FTO: variants seen among roughly 807,000 people sequenced by gnomAD.
FTO encodes alpha-ketoglutarate-dependent dioxygenase FTO.
In FTO, 47 loss-of-function variants were observed where a neutral mutation model predicts 63.9. The ratio of observed to expected loss-of-function variants is 0.74; its 90% CI spans 0.58 to 0.94. The LOEUF (loss-of-function observed/expected upper bound fraction) is 0.94, where lower values mean the gene tolerates loss of function less well. Among genes scored for constraint, FTO ranks in the 40% least tolerant of loss-of-function variants. FTO has a pLI of 0.00. For synonymous variants in FTO, 207 were observed against 224.4 expected, an observed-to-expected ratio of 0.92 and a Z score of 0.69; for missense variants, 562 against 618.1, an observed-to-expected ratio of 0.91 and a Z score of 0.96.
At chr16:54,019,498 A>G (rs1212358379) in intron 8 of FTO, among the ~76,000 whole-genome samples, 2 of 152,210 alleles carry the variant, frequency 1.3e-5, no homozygotes, top group East Asian at 1.9e-4. Flanking sequence ...TGGCATATCT[A>G]CCAAGTACTG....
chr16:53,790,361 T>C (rs369437175), intron 1 of FTO, among the ~76,000 whole-genome samples: 4 of 151,972 alleles, frequency 2.6e-5, no homozygotes, highest in African/African-American at 7.2e-5. Flanking sequence ...GTAACACATA[T>C]AAGTAGAATC....
intron 1 of FTO, among the ~76,000 whole-genome samples, chr16:53,729,762 TCTC>T (rs1259897243): frequency 6.6e-6 from 1 of 151,954 alleles, no homozygotes; most frequent in Non-Finnish European, 1.5e-5. Context: ...TCTAGACTCT[TCTC>T]CTCCCTTCTC....
chr16:53,898,546 T>G (rs2081328698), intron 7 of FTO, among the ~76,000 whole-genome samples: 1 of 152,192 alleles, frequency 6.6e-6, no homozygotes, highest in African/African-American at 2.4e-5. Flanking sequence ...TCTGTTTTAG[T>G]CACTCTTATT....
chr16:53,930,221 CTTTTTTTTTT>C lies in FTO; in HGVS notation c.1240-3747_1240-3738del, dbSNP rs1014205147. 1.6e-4 allele frequency among the ~76,000 whole-genome samples: 12 copies of C among 75,704 alleles called. 1 individual carries two copies. Among genetic ancestry groups the C allele is most frequent in the South Asian group, 4.6e-4 (1 of 2,162 alleles). The allele number at this position is 75,704 out of a possible 152,430, so 49.7% of individuals were successfully genotyped here. The stretch of plus-strand genomic sequence containing the variant: ...TTATATTTACTTTTATGATTATCTT[CTTTTTTTTTT>C]TTTTTTTTTTTTTTTTGAGACAGAG... On this transcript the variant is annotated intron_variant, in intron 7 of 8. Coordinates refer to ENST00000471389, the MANE Select transcript of FTO (RefSeq NM_001080432.3).
rs373949786 is a variant in FTO, at chr16:54,076,799, G to A, written c.1365-34963G>A. On this transcript the variant is annotated intron_variant, in intron 8 of 8. Coordinates refer to ENST00000471389, the MANE Select transcript of FTO (RefSeq NM_001080432.3). ...AAGGCATGAAAGGCCAGGGTAATTA[G>A]TCCTTACTGCAGATGAGTAAAGGCA... 2.0e-5 allele frequency among the ~76,000 whole-genome samples: 3 copies of A among 152,268 alleles called. No individual in the cohort carries two copies. In the East Asian group the frequency reaches 5.8e-4, roughly 30 times the overall value.
chr16:54,109,763 G>A (rs373968782), intron 8 of FTO, among the ~76,000 whole-genome samples: 2 of 152,300 alleles, frequency 1.3e-5, no homozygotes, highest in African/African-American at 4.8e-5. Flanking sequence ...GCTTCGATAT[G>A]TTTCATACTT....
At chr16:54,052,961 C>T (rs2085346751) in intron 8 of FTO, among the ~76,000 whole-genome samples, 2 of 152,178 alleles carry the variant, frequency 1.3e-5, no homozygotes, top group African/African-American at 4.8e-5. Flanking sequence ...CTCAGCCTCC[C>T]AAAGTGCTGG....
At chr16:53,854,792 G>A (rs925621434) in intron 4 of FTO, among the ~76,000 whole-genome samples, 2 of 151,864 alleles carry the variant, frequency 1.3e-5, no homozygotes, top group Non-Finnish European at 2.9e-5. Context: ...ATGAATTTTA[G>A]GATTATTTTT....
chr16:53,955,099 T>C (rs559136714), intron 8 of FTO, among the ~76,000 whole-genome samples: 112 of 152,310 alleles, frequency 7.4e-4, no homozygotes, highest in African/African-American at 2.5e-3. Flanking sequence ...AAGCATTCTT[T>C]AAGCATTAGT....
At chr16:53,841,936 C>T (rs1317225914) in intron 3 of FTO, among the ~76,000 whole-genome samples, 1 of 152,198 alleles carries the variant, frequency 6.6e-6, no homozygotes, top group African/African-American at 2.4e-5. Context: ...AACCTCTCTC[C>T]TCTCTAAACT....
intron 7 of FTO, among the ~76,000 whole-genome samples, chr16:53,912,109 T>G: frequency 6.6e-6 from 1 of 152,234 alleles, no homozygotes; most frequent in East Asian, 1.9e-4. Flanking sequence ...CACAAGTGTG[T>G]GTCTGTTGTG....
intron 7 of FTO, among the ~76,000 whole-genome samples, chr16:53,895,588 G>A (rs1177525614): frequency 6.6e-6 from 1 of 152,190 alleles, no homozygotes. Flanking sequence ...CTTAAAGACA[G>A]AGGTGTTGAA....
At chr16:54,106,759 A>G (rs1486233862) in intron 8 of FTO, among the ~76,000 whole-genome samples, 3 of 136,020 alleles carry the variant, frequency 2.2e-5, no homozygotes, top group African/African-American at 8.0e-5. Flanking sequence ...ATAATTGTAT[A>G]ATAATAAATA....
chr16:54,018,069 A>G (rs2084494306), intron 8 of FTO, among the ~76,000 whole-genome samples: 1 of 151,840 alleles, frequency 6.6e-6, no homozygotes, highest in African/African-American at 2.4e-5. Flanking sequence ...CATCATCATC[A>G]TTATTCTAGT....
intron 1 of FTO, among the ~76,000 whole-genome samples, chr16:53,731,146 T>C (rs2076261559): frequency 6.6e-6 from 1 of 152,226 alleles, no homozygotes; most frequent in Non-Finnish European, 1.5e-5. Flanking sequence ...ATTTGGGATC[T>C]AACTGGGAAT....
intron 3 of FTO, among the ~76,000 whole-genome samples, chr16:53,826,713 T>C (rs987005570): frequency 6.6e-6 from 1 of 152,204 alleles, no homozygotes; most frequent in Non-Finnish European, 1.5e-5. Context: ...AGCTGGCTCA[T>C]TGTTATACTG....
chr16:53,863,093 G>C (rs1432734741), intron 4 of FTO, among the ~76,000 whole-genome samples: 1 of 152,162 alleles, frequency 6.6e-6, no homozygotes, highest in Non-Finnish European at 1.5e-5. Flanking sequence ...GGTTTTTTCT[G>C]ATCTCATACT....
chr16:54,005,135 G>T (rs1047372835), intron 8 of FTO, among the ~76,000 whole-genome samples: 1 of 149,382 alleles, frequency 6.7e-6, no homozygotes, highest in Non-Finnish European at 1.5e-5. Context: ...ATATCTCTAG[G>T]CAGCGCCAGG....
At chr16:54,027,075 GAGAGAGAC>G (rs2084729728) in intron 8 of FTO, among the ~76,000 whole-genome samples, 1 of 145,142 alleles carries the variant, frequency 6.9e-6, no homozygotes, top group Admixed American at 6.6e-5. Flanking sequence ...GAGAGTGTGA[GAGAGAGAC>G]AGAGAGAGAG....
Sources: gnomAD v4.1 joint callset for allele counts (sites outside exome capture counted in the v4.1 genomes callset) on GRCh38, gnomAD v4.1.1 for gene constraint, MANE v1.5 for transcripts, NCBI Gene and HGNC (gene_info 2026-07-23, HGNC 2026-07-21) for gene names.